LCK: variants seen among roughly 807,000 people sequenced by gnomAD.
LCK encodes the protein tyrosine-protein kinase Lck.
A neutral mutation model predicts 64.6 loss-of-function variants in LCK; 14 were observed. The ratio of observed to expected loss-of-function variants is 0.22; its 90% CI spans 0.14 to 0.34. LCK has a LOEUF of 0.34. Ranked by LOEUF, LCK falls within the 10% of genes least tolerant of loss-of-function variation. The pLI is 1.00. For synonymous variants in LCK, 277 were observed against 263.6 expected (o/e 1.05, Z -0.49); for missense variants, 434 against 668.1 (o/e 0.65, Z 3.86).
At chr1:32,279,506 A>G in intron 9 of LCK, 165 bp from the exon 10 acceptor site, 2 of 1,393,982 alleles carry the variant, frequency 1.4e-6, no homozygotes, top group Non-Finnish European at 2.0e-6. Flanking sequence ...AAAAACCTTT[A>G]CATATCCTGG....
At chr1:32,258,386 T>C (rs1314317062) in intron 1 of LCK, among the ~76,000 whole-genome samples, 1 of 150,548 alleles carries the variant, frequency 6.6e-6, no homozygotes, top group Non-Finnish European at 1.5e-5. Flanking sequence ...GAGGATTACT[T>C]GAGGCCAGAA....
chr1:32,268,993 G>T (rs2124336182), intron 1 of LCK, among the ~76,000 whole-genome samples: 2 of 151,474 alleles, frequency 1.3e-5, no homozygotes, highest in African/African-American at 4.8e-5. Flanking sequence ...AATTAGCCAG[G>T]CGTGGTGGTG....
chr1:32,253,328 C>T (rs1639552814), intron 1 of LCK, among the ~76,000 whole-genome samples: 2 of 152,156 alleles, frequency 1.3e-5, no homozygotes, highest in African/African-American at 4.8e-5. Context: ...AGTCATTGCA[C>T]TCCAGCCTAG....
chr1:32,279,054 A>G (rs1032986072), intron 9 of LCK, among the ~76,000 whole-genome samples: 1 of 152,184 alleles, frequency 6.6e-6, no homozygotes, highest in Admixed American at 6.6e-5. Flanking sequence ...CACCAGGAAC[A>G]TGGATGGATG....
chr1:32,263,217 C>T (rs925590248), intron 1 of LCK, among the ~76,000 whole-genome samples: 2 of 151,798 alleles, frequency 1.3e-5, no homozygotes, highest in Non-Finnish European at 2.9e-5. Context: ...CATGGTGAAA[C>T]CCTGTCTCTA....
intron 1 of LCK, chr1:32,273,975 G>A (rs966353204): frequency 2.1e-5 from 7 of 337,416 alleles, no homozygotes; most frequent in Admixed American, 1.4e-4. Context: ...TCTAGGAGGT[G>A]GTCCTCCCAA....
intron 12 of LCK, among the ~76,000 whole-genome samples, chr1:32,285,256 G>A (rs897404310): frequency 1.6e-4 from 24 of 148,412 alleles, no homozygotes; most frequent in East Asian, 6.1e-4. Flanking sequence ...AGCCGAGATC[G>A]CACCATTGCA....
At position 32,274,428 on chromosome 1, in the gene LCK, G is replaced by A. The variant is rs1029313140; in HGVS notation, c.99G>A (p.Lys33=). 1 of 1,611,772 alleles carries A rather than the reference G, an allele frequency of 6.2e-7. No individual in the cohort carries two copies. The highest frequency in any genetic ancestry group is 1.7e-5 in the Admixed American group (1 of 59,832). ...ATCCCATAGTCCCACTGGATGGCAA[G>A]GGCACGGTAAGAGGCGAGACAGGGG... ...CHYPIVPLDG[K]GTLLIRNGSE... Residue 33 remains lysine (K), a synonymous_variant, in exon 2 of 13, where the codon AAG becomes AAA. Coordinates refer to ENST00000336890, the MANE Select transcript of LCK (RefSeq NM_005356.5).
intron 1 of LCK, among the ~76,000 whole-genome samples, chr1:32,262,885 A>C (rs955538254): frequency 2.0e-5 from 3 of 151,802 alleles, no homozygotes; most frequent in East Asian, 1.9e-4. Context: ...AAAAAAAAAA[A>C]AACAGATGAA....
chr1:32,252,190 C>T (rs961083720), intron 1 of LCK, among the ~76,000 whole-genome samples: 10 of 152,086 alleles, frequency 6.6e-5, no homozygotes, highest in East Asian at 5.8e-4. Flanking sequence ...GGTGAGGAAG[C>T]GCTGAACTTC....
In LCK at chr1:32,275,652, G is replaced by C; in HGVS notation, c.461G>C (p.Arg154Pro). ...AACACTCACGGCTCCTTCCTCATCCGGGAGAGCGAGAGCACCGCGGGTGAG... is the reference window on the plus strand; with the variant it reads ...AACACTCACGGCTCCTTCCTCATCCCGGAGAGCGAGAGCACCGCGGGTGAG... Reference protein sequence around the residue: ...PGNTHGSFLIRESESTAGSFS... With the variant: ...PGNTHGSFLIPESESTAGSFS... The change falls in exon 6 of 13, where the codon CGG becomes CCG. Residue 154 changes from arginine to proline, a missense_variant. By Grantham distance (103) the Arg-to-Pro change is moderately radical. Coordinates refer to ENST00000336890, the MANE Select transcript of LCK (RefSeq NM_005356.5). The surrounding 1 kb of genome is among the most constrained non-coding windows in gnomAD (Gnocchi z 6.9). The C allele has an allele frequency of 6.4e-7, 1 of 1,566,564 alleles. No homozygotes were observed. Among genetic ancestry groups the C allele is most frequent in the Non-Finnish European group, 8.6e-7 (1 of 1,157,044 alleles).
At chr1:32,272,650 C>A (rs113682115) in intron 1 of LCK, among the ~76,000 whole-genome samples, 829 of 72,038 alleles carry the variant, frequency 0.012, 8 homozygotes, top group African/African-American at 0.061. Context: ...AGAGAGAGAG[C>A]GAGAGAGCGC....
At chr1:32,266,492 A>C (rs1569926401) in intron 1 of LCK, among the ~76,000 whole-genome samples, 5 of 120,312 alleles carry the variant, frequency 4.2e-5, no homozygotes, top group African/African-American at 3.4e-5. Flanking sequence ...ACAGAGCGAG[A>C]CTCTGTCTCA....
At position 32,275,533 on chromosome 1, in the gene LCK, C is replaced by T. The variant is rs765100431; in HGVS notation, c.378-36C>T. ...AGGGCCACGGAGGAAGATCCGACGA[C>T]AGCCGACGGCCTTCGTTCGCTTCCG... On this transcript the variant is annotated intron_variant, in intron 5 of 12. Transcript: ENST00000336890. The surrounding 1 kb of genome is among the most constrained non-coding windows in gnomAD (Gnocchi z 6.9). 2.6e-6 allele frequency: 4 copies of T among 1,550,466 alleles called. No individual in the cohort carries two copies. The East Asian group carries it at 9.6e-5, about 37-fold the overall frequency.
At chr1:32,265,507 C>T (rs1639885364) in intron 1 of LCK, among the ~76,000 whole-genome samples, 1 of 152,228 alleles carries the variant, frequency 6.6e-6, no homozygotes. Flanking sequence ...ATAGAGGAAA[C>T]AGTAGAGGCC....
At chr1:32,278,655 TTTGA>T (rs1250696776) in intron 9 of LCK, among the ~76,000 whole-genome samples, 2 of 152,144 alleles carry the variant, frequency 1.3e-5, no homozygotes, top group African/African-American at 2.4e-5. Context: ...GTGTATCGAC[TTTGA>T]TTGGTAGTTG....
At chr1:32,271,486 G>T (rs554601783) in intron 1 of LCK, among the ~76,000 whole-genome samples, 2 of 152,046 alleles carry the variant, frequency 1.3e-5, no homozygotes, top group Admixed American at 6.6e-5. Context: ...AGACCAGTCC[G>T]GGCAACATAG....
At position 32,280,035 on chromosome 1, in the gene LCK, C is replaced by G. The variant is rs2124369168; in HGVS notation, c.1195+41C>G. On this transcript the variant is annotated intron_variant, in intron 11 of 12. Transcript: ENST00000336890. ...AAGGGTGGTCTGGGCCCTGCAGGGT[C>G]TGGCCAAGCAGACCCAGGTGACCTC... The G allele has an allele frequency of 1.9e-6, 3 of 1,613,912 alleles. No homozygotes were observed. The South Asian group carries it at 3.3e-5, about 18-fold the overall frequency.
At chr1:32,271,597 G>A (rs1189760983) in intron 1 of LCK, among the ~76,000 whole-genome samples, 1 of 152,220 alleles carries the variant, frequency 6.6e-6, no homozygotes, top group Non-Finnish European at 1.5e-5. Flanking sequence ...CCAGGAGTTT[G>A]AGGTTCCAGT....
Sources: gnomAD v4.1 joint callset for allele counts (sites outside exome capture counted in the v4.1 genomes callset) on GRCh38, gnomAD v4.1.1 for gene constraint, Gnocchi (gnomAD v3.1) non-coding constraint, MANE v1.5 for transcripts, NCBI Gene and HGNC (gene_info 2026-07-23, HGNC 2026-07-21) for gene names.